Variants in CACNG8 observed in about 807,000 individuals in gnomAD.
CACNG8 encodes the protein calcium voltage-gated channel auxiliary subunit gamma 8.
A neutral mutation model predicts 26.9 loss-of-function variants in CACNG8; 5 were observed. The observed-to-expected ratio is 0.19, with a 90% CI of 0.10 to 0.39. CACNG8 has a LOEUF of 0.39. Among genes scored for constraint, CACNG8 ranks in the 10% least tolerant of loss-of-function variants. The probability of loss-of-function intolerance (pLI) is 1.00; values close to 1 mark genes in which losing one functional copy is unlikely to be tolerated. For synonymous variants in CACNG8, 321 were observed against 296.7 expected (o/e 1.08, Z -0.84); for missense variants, 473 against 609.4 (o/e 0.78, Z 2.36).
intron 1 of CACNG8, among the ~76,000 whole-genome samples, chr19:53,977,504 C>T (rs1235715939): frequency 1.3e-5 from 2 of 152,138 alleles, no homozygotes; most frequent in African/African-American, 4.8e-5. Context: ...CTCCACCCCT[C>T]ACACACCTCT....
chr19:53,973,237 C>T (rs572321653), intron 1 of CACNG8, among the ~76,000 whole-genome samples: 1 of 152,010 alleles, frequency 6.6e-6, no homozygotes, highest in East Asian at 1.9e-4. Context: ...AAAGGAGGGA[C>T]CAGGCTGGGC....
At chr19:53,965,543 T>G (rs1206323789) in intron 1 of CACNG8, among the ~76,000 whole-genome samples, 1 of 151,996 alleles carries the variant, frequency 6.6e-6, no homozygotes, top group Non-Finnish European at 1.5e-5. Context: ...GCACGTGGCA[T>G]CTAGTAGGGA....
intron 1 of CACNG8, among the ~76,000 whole-genome samples, chr19:53,977,705 G>A (rs1431223164): frequency 1.3e-5 from 2 of 152,138 alleles, no homozygotes; most frequent in African/African-American, 4.8e-5. Flanking sequence ...ATCGGCTTCC[G>A]CATCACTTTC....
At position 53,988,566 on chromosome 19, in the gene CACNG8, C is replaced by G. The variant is rs2069421297; in HGVS notation, c.*5717C>G. The G allele has an allele frequency of 6.7e-6, 1 of 150,236 alleles. No individual in the cohort carries two copies. 9.3% of individuals were successfully genotyped at this position (150,236 alleles called of 1,614,324 possible). ...AGTGAGCCAAGATCACACCACTGCA[C>G]TCTAGCCTGGGTGACAGAGCAAGAC... On this transcript the variant is annotated 3_prime_UTR_variant, in exon 4 of 4. Transcript: ENST00000270458.
chr19:53,963,177 G>A lies in CACNG8; in HGVS notation c.35G>A (p.Gly12Asp), dbSNP rs770249350. ...CTGAAGCGCTGGAACGAAGAGCGGG[G>A]CCTCTGGTGCGAGAAGGGGGTGCAG... The change falls in exon 1 of 4, where the codon GGC becomes GAC. Residue 12 changes from glycine to aspartate, a missense_variant. Around this residue, in one of 6 missense-constraint regions of CACNG8, gnomAD observed 26 missense variants for 23.8 expected, o/e 1.09. Coordinates refer to ENST00000270458, the MANE Select transcript of CACNG8 (RefSeq NM_031895.6). 13 of 1,572,132 alleles carry A rather than the reference G, an allele frequency of 8.3e-6. No individual in the cohort carries two copies. Among genetic ancestry groups the A allele is most frequent in the Admixed American group, 1.8e-5 (1 of 54,894 alleles).
chr19:53,963,189 A>T lies in CACNG8; in HGVS notation c.47A>T (p.Glu16Val). 6.3e-7 allele frequency: 1 copy of T among 1,588,908 alleles called. No homozygotes were observed. Among genetic ancestry groups the T allele is most frequent in the Non-Finnish European group, 8.5e-7 (1 of 1,169,844 alleles). The change falls in exon 1 of 4, where the codon GAG becomes GTG. Residue 16 changes from glutamate to valine, a missense_variant. Transcript: ENST00000270458. The stretch of plus-strand genomic sequence containing the variant: ...AACGAAGAGCGGGGCCTCTGGTGCG[A>T]GAAGGGGGTGCAGGTGCTGCTGACG...
Position 53,963,439 on chromosome 19 carries a change from G to T in CACNG8, c.283+14G>T. On this transcript the variant is annotated intron_variant, in intron 1 of 3. Transcript: ENST00000270458. ...GCTGCCTGGAAGGTAGGGTGCGGGCGGCCCTCCCCGCAGCCCCCGCCGCTC... is the reference window on the plus strand; with the variant it reads ...GCTGCCTGGAAGGTAGGGTGCGGGCTGCCCTCCCCGCAGCCCCCGCCGCTC... 1 of 1,431,172 alleles carries T rather than the reference G, an allele frequency of 7.0e-7. No homozygotes were observed. The highest frequency in any genetic ancestry group is 1.5e-5 in the South Asian group (1 of 68,134). 88.7% of individuals were successfully genotyped at this position (1,431,172 alleles called of 1,614,324 possible).
chr19:53,974,351 T>C (rs1209710228), intron 1 of CACNG8, among the ~76,000 whole-genome samples: 5 of 152,226 alleles, frequency 3.3e-5, no homozygotes, highest in African/African-American at 1.2e-4. Flanking sequence ...GTTTATCCTT[T>C]CATCTGTCAA....
At chr19:53,979,552 T>C (rs960083042) in intron 2 of CACNG8, among the ~76,000 whole-genome samples, 33 of 149,770 alleles carry the variant, frequency 2.2e-4, no homozygotes, top group African/African-American at 6.7e-4. Flanking sequence ...CATGGAGAAG[T>C]TGGGAGAAAA....
At chr19:53,965,731 AC>A (rs2069268455) in intron 1 of CACNG8, among the ~76,000 whole-genome samples, 3 of 151,522 alleles carry the variant, frequency 2.0e-5, no homozygotes, top group African/African-American at 7.3e-5. Flanking sequence ...GGTAAAGTCA[AC>A]CTTTAGGGTG....
rs546273504 is a variant in CACNG8 at position 53,978,335 on chromosome 19, C to T, written c.367+106C>T. The T allele has an allele frequency of 2.0e-4, 162 of 793,670 alleles. No individual in the cohort carries two copies. In the East Asian group the frequency reaches 2.3e-3, roughly 11 times the overall value. The allele number at this position is 793,670 out of a possible 1,614,324, so 49.2% of individuals were successfully genotyped here. A position where few individuals can be genotyped will look rare whatever the true frequency, so the allele number is the denominator to read the frequency against. ...GGCACTGGGACTCCGGCACTTGGAT[C>T]GACACGCCGAGGTTAGCCTCCCAGC... On this transcript the variant is annotated intron_variant, in intron 2 of 3. Coordinates refer to ENST00000270458, the MANE Select transcript of CACNG8 (RefSeq NM_031895.6).
chr19:53,968,565 C>T (rs1056903663), intron 1 of CACNG8, among the ~76,000 whole-genome samples: 3 of 151,386 alleles, frequency 2.0e-5, no homozygotes, highest in East Asian at 3.9e-4. Flanking sequence ...GTCAGGAGTT[C>T]GAGACCAGCC....
At chr19:53,966,629 A>G (rs2069273684) in intron 1 of CACNG8, among the ~76,000 whole-genome samples, 1 of 152,240 alleles carries the variant, frequency 6.6e-6, no homozygotes, top group South Asian at 2.1e-4. Context: ...CCTGGGCTCA[A>G]GCAATCCTCC....
At chr19:53,969,680 C>T (rs752634064) in intron 1 of CACNG8, among the ~76,000 whole-genome samples, 2 of 149,190 alleles carry the variant, frequency 1.3e-5, no homozygotes, top group Non-Finnish European at 3.0e-5. Flanking sequence ...TGAGTCATTG[C>T]GTCCTGCAGC....
intron 1 of CACNG8, among the ~76,000 whole-genome samples, chr19:53,977,038 G>A (rs769169168): frequency 6.6e-6 from 1 of 152,236 alleles, no homozygotes; most frequent in Non-Finnish European, 1.5e-5. Context: ...GGGACACACA[G>A]AGGAATCGGA....
At position 53,982,224 on chromosome 19, in the gene CACNG8, T is replaced by C; in HGVS notation, c.653T>C (p.Val218Ala). The C allele has an allele frequency of 1.2e-6, 2 of 1,612,688 alleles. No homozygotes were observed. The highest frequency in any genetic ancestry group is 1.7e-6 in the Non-Finnish European group (2 of 1,179,608). ...GGGCTGTCGTTCATCCTGGCCGAGG[T>C]GATAGGCGTGCTGGCCGTCAACATC... The change falls in exon 4 of 4, where the codon GTG (valine) becomes GCG (alanine). Residue 218 changes from valine (V) to alanine (A), a missense_variant. By Grantham distance (64) the Val-to-Ala change is moderately conservative. Transcript: ENST00000270458. The surrounding 1 kb of genome is among the most constrained non-coding windows in gnomAD (Gnocchi z 8.4).
intron 1 of CACNG8, among the ~76,000 whole-genome samples, chr19:53,969,064 C>T (rs555715028): frequency 6.6e-6 from 1 of 152,134 alleles, no homozygotes; most frequent in South Asian, 2.1e-4. Flanking sequence ...AGTGCAGAGG[C>T]GCGATCTCAA....
At chr19:53,977,650 A>G (rs2069337746) in intron 1 of CACNG8, among the ~76,000 whole-genome samples, 1 of 152,138 alleles carries the variant, frequency 6.6e-6, no homozygotes, top group Non-Finnish European at 1.5e-5. Context: ...TCTTCTCACA[A>G]CTGGACTCCA....
At position 53,978,118 on chromosome 19, in the gene CACNG8, C is replaced by T. The variant is rs2069341022; in HGVS notation, c.284-28C>T. 5 of 1,561,406 alleles carry T rather than the reference C, an allele frequency of 3.2e-6. No individual in the cohort carries two copies. The South Asian group carries it at 4.5e-5, about 14-fold the overall frequency. Reference sequence around the variant, plus strand: ...CGCCCCCAACCCTGAAGTATCCGCCCCCACCACTGCCCTCCCCGCTCCTCC... The same window carrying T: ...CGCCCCCAACCCTGAAGTATCCGCCTCCACCACTGCCCTCCCCGCTCCTCC... On this transcript the variant is annotated intron_variant, in intron 1 of 3. Transcript: ENST00000270458.
Sources: gnomAD v4.1 joint callset for allele counts (sites outside exome capture counted in the v4.1 genomes callset) on GRCh38, gnomAD v4.1.1 for gene constraint, gnomAD v4.1.1 regional missense constraint, Gnocchi (gnomAD v3.1) non-coding constraint, MANE v1.5 for transcripts, NCBI Gene and HGNC (gene_info 2026-07-23, HGNC 2026-07-21) for gene names.